Variants in SYNE1 observed in about 807,000 individuals in gnomAD.
SYNE1 encodes spectrin repeat containing nuclear envelope protein 1.
In SYNE1, 616 loss-of-function variants were observed where a neutral mutation model predicts 1,111.0. The ratio of observed to expected loss-of-function variants is 0.55; its 90% CI spans 0.52 to 0.59. The LOEUF (loss-of-function observed/expected upper bound fraction) is 0.59. SYNE1 is among the 20% of genes least tolerant of loss of function. The pLI, the probability that SYNE1 is intolerant of heterozygous loss-of-function variation, is 0.00. For missense variants in SYNE1, 10,006 were observed against 10,417.0 expected (o/e 0.96, Z 1.72); for synonymous variants, 3,855 against 3,825.8 (o/e 1.01, Z -0.28).
At chr6:152,304,624 A>C (rs970642425) in intron 91 of SYNE1, among the ~76,000 whole-genome samples, 4 of 152,094 alleles carry the variant, frequency 2.6e-5, no homozygotes, top group Admixed American at 2.0e-4. Context: ...ATGCCCGGCA[A>C]TTTGAGGAAT....
intron 16 of SYNE1, among the ~76,000 whole-genome samples, chr6:152,470,677 T>G (rs553421698): frequency 3.6e-4 from 54 of 151,986 alleles, no homozygotes; most frequent in Non-Finnish European, 5.3e-4. Flanking sequence ...GAAAATATGG[T>G]TTCAATAAGT....
chr6:152,311,185 C>G (rs750119107), intron 87 of SYNE1: 7 of 370,842 alleles, frequency 1.9e-5, no homozygotes, highest in Non-Finnish European at 3.5e-5. Context: ...GGAATTCTAG[C>G]AGTGAAAAAC....
At chr6:152,161,276 A>G (rs57747005) in intron 131 of SYNE1, among the ~76,000 whole-genome samples, 10,854 of 148,086 alleles carry the variant, frequency 0.073, 733 homozygotes, top group African/African-American at 0.18. Flanking sequence ...AATAATAAAT[A>G]TATATATTAC....
At chr6:152,472,227 A>G in intron 15 of SYNE1, 74 bp downstream of exon 15, 1 of 1,328,488 alleles carries the variant, frequency 7.5e-7, no homozygotes, top group Non-Finnish European at 1.1e-6. Context: ...ATCATGAAAA[A>G]ATAAAAGAAA....
intron 107 of SYNE1, 113 bp downstream of exon 107, chr6:152,242,127 A>T: frequency 9.3e-7 from 1 of 1,070,654 alleles, no homozygotes; most frequent in Non-Finnish European, 1.4e-6. Flanking sequence ...TAACTTATAC[A>T]AGTAAGAACT....
intron 130 of SYNE1, chr6:152,167,711 G>A (rs769360226): frequency 1.9e-6 from 1 of 523,468 alleles, no homozygotes; most frequent in Non-Finnish European, 3.9e-6. Flanking sequence ...ACAAAGCTGT[G>A]AACCAGCTAA....
At chr6:152,535,150 T>C (rs2099228449) in intron 4 of SYNE1, among the ~76,000 whole-genome samples, 1 of 152,148 alleles carries the variant, frequency 6.6e-6, no homozygotes, top group South Asian at 2.1e-4. Flanking sequence ...GTGGTGAAAT[T>C]TGGACACAGA....
intron 84 of SYNE1, chr6:152,319,859 C>T (rs926261942): frequency 4.6e-5 from 7 of 152,114 alleles, no homozygotes; most frequent in African/African-American, 1.7e-4. Context: ...AACAAACAAA[C>T]AAACAAAGAA....
chr6:152,266,303 T>C (rs1249397920), intron 100 of SYNE1, among the ~76,000 whole-genome samples: 1 of 152,218 alleles, frequency 6.6e-6, no homozygotes, highest in Non-Finnish European at 1.5e-5. Flanking sequence ...AGATCCCTTC[T>C]GCTCCTTTAG....
chr6:152,231,800 G>GTATA (rs1554249064), intron 113 of SYNE1, among the ~76,000 whole-genome samples: 1 of 132,372 alleles, frequency 7.6e-6, no homozygotes, highest in Admixed American at 8.0e-5. Flanking sequence ...GTGTGTGTGT[G>GTATA]TGTATATATA....
At chr6:152,283,836 T>G in intron 96 of SYNE1, 142 bp downstream of exon 96, 2 of 781,244 alleles carry the variant, frequency 2.6e-6, no homozygotes, top group Non-Finnish European at 4.4e-6. Flanking sequence ...CTCCCGGCCG[T>G]GGAGACCATT....
intron 101 of SYNE1, among the ~76,000 whole-genome samples, chr6:152,261,828 T>G (rs1280068795): frequency 6.6e-6 from 1 of 152,072 alleles, no homozygotes; most frequent in Admixed American, 6.6e-5. Context: ...TGTCTATAAA[T>G]CAAATAAATT....
At chr6:152,600,015 A>C (rs1202496691) in intron 3 of SYNE1, among the ~76,000 whole-genome samples, 3 of 152,216 alleles carry the variant, frequency 2.0e-5, no homozygotes, top group Non-Finnish European at 4.4e-5. Flanking sequence ...GAGATTCAGT[A>C]AATTCTATAA....
chr6:152,523,976 C>T (rs1035982714), intron 5 of SYNE1, among the ~76,000 whole-genome samples: 11 of 152,008 alleles, frequency 7.2e-5, no homozygotes, highest in African/African-American at 2.7e-4. Flanking sequence ...TCTAGGTATC[C>T]AATCACATCA....
chr6:152,500,288 T>A (rs1197862561), intron 10 of SYNE1, among the ~76,000 whole-genome samples: 1 of 152,170 alleles, frequency 6.6e-6, no homozygotes, highest in East Asian at 1.9e-4. Flanking sequence ...GACTCCAAAA[T>A]ATTTGCATCA....
chr6:152,153,216 T>G (rs758928965), intron 133 of SYNE1, among the ~76,000 whole-genome samples: 41 of 152,156 alleles, frequency 2.7e-4, no homozygotes, highest in Non-Finnish European at 4.7e-4. Flanking sequence ...GCTTCCAGTC[T>G]AAAAACCTTA....
chr6:152,147,642 C>A, intron 137 of SYNE1: 1 of 254,740 alleles, frequency 3.9e-6, no homozygotes, highest in Non-Finnish European at 7.6e-6. Context: ...GACTCTGCTC[C>A]ATGGTTTCTT....
Position 152,502,749 on chromosome 6 carries a change from A to C in SYNE1, c.779-7T>G. 6.3e-7 allele frequency: 1 copy of C among 1,592,508 alleles called. No homozygotes were observed. The highest frequency in any genetic ancestry group is 8.6e-7 in the Non-Finnish European group (1 of 1,160,738). ...GGTTTATCCACATCAACGTCTGAAA[A>C]AACAAAAAAGAAATGTGAATAAACT... On this transcript the variant is annotated splice_polypyrimidine_tract_variant and splice_region_variant and intron_variant, in intron 9 of 145. Transcript: ENST00000367255.
At chr6:152,215,186 T>C in intron 121 of SYNE1, 126 bp from the exon 122 acceptor site, 4 of 1,030,786 alleles carry the variant, frequency 3.9e-6, no homozygotes, top group Non-Finnish European at 1.5e-6. Context: ...TCTGCATTTC[T>C]AGGCCACTTA....
Sources: gnomAD v4.1 joint callset for allele counts (sites outside exome capture counted in the v4.1 genomes callset) on GRCh38, gnomAD v4.1.1 for gene constraint, MANE v1.5 for transcripts, NCBI Gene and HGNC (gene_info 2026-07-23, HGNC 2026-07-21) for gene names.